Variants in ELMOD3 observed in about 807,000 individuals in gnomAD.
ELMOD3 encodes the protein ELMO domain-containing protein 3.
ELMOD3 carries 36 observed loss-of-function variants against 47.4 expected under a neutral mutation model. That is an observed-to-expected ratio of 0.76 (90% CI 0.58 to 1.00). ELMOD3 has a LOEUF of 1.00. ELMOD3 is among the 50% of genes least tolerant of loss of function. ELMOD3 has a pLI of 0.00. For synonymous variants in ELMOD3, 149 were observed against 183.5 expected, an observed-to-expected ratio of 0.81 and a Z score of 1.52; for missense variants, 404 against 463.8, an observed-to-expected ratio of 0.87 and a Z score of 1.18.
intron 8 of ELMOD3, 135 bp from the exon 9 acceptor site, chr2:85,370,951 C>T (rs1684746148): frequency 2.0e-6 from 2 of 1,014,564 alleles, no homozygotes; most frequent in Non-Finnish European, 1.5e-6. Context: ...CTGCCTCCTT[C>T]CCTTGGCCCA....
intron 6 of ELMOD3, chr2:85,368,437 G>A (rs781213415): frequency 1.2e-5 from 6 of 488,680 alleles, no homozygotes; most frequent in African/African-American, 3.9e-5. Context: ...GGGAGTGGGG[G>A]ATCACCAGGT....
intron 8 of ELMOD3, among the ~76,000 whole-genome samples, chr2:85,370,520 G>A (rs976894164): frequency 3.9e-5 from 6 of 152,130 alleles, no homozygotes; most frequent in Non-Finnish European, 5.9e-5. Context: ...CTTGCTCAGG[G>A]GAGAGAGGCT....
chr2:85,388,149 T>C (rs934883373), intron 11 of ELMOD3, among the ~76,000 whole-genome samples: 1 of 151,922 alleles, frequency 6.6e-6, no homozygotes, highest in Admixed American at 6.6e-5. Context: ...GTTTGTTTTT[T>C]TGAAAAAAAA....
chr2:85,386,980 C>T (rs1399207932), intron 11 of ELMOD3: 12 of 1,186,820 alleles, frequency 1.0e-5, no homozygotes, highest in Non-Finnish European at 1.3e-5. Context: ...CCAGCCTGAG[C>T]AACAAGAGCG....
At chr2:85,371,248 T>C in intron 9 of ELMOD3, 39 bp downstream of exon 9, 1 of 1,614,168 alleles carries the variant, frequency 6.2e-7, no homozygotes, top group Non-Finnish European at 8.5e-7. Context: ...TTGCTGCATC[T>C]GTGGTTGGGC....
intron 6 of ELMOD3, among the ~76,000 whole-genome samples, chr2:85,363,821 T>C (rs2104521598): frequency 6.6e-6 from 1 of 152,330 alleles, no homozygotes; most frequent in East Asian, 1.9e-4. Flanking sequence ...TTATTCACTA[T>C]TATGAGAACA....
intron 4 of ELMOD3, among the ~76,000 whole-genome samples, chr2:85,361,252 A>G (rs1683935374): frequency 6.6e-6 from 1 of 152,236 alleles, no homozygotes; most frequent in Non-Finnish European, 1.5e-5. Flanking sequence ...GGCTGAGCAG[A>G]AAGGCCATAG....
In ELMOD3 at chr2:85,368,703, G is replaced by A; in HGVS notation, c.217G>A (p.Val73Ile). The change falls in exon 7 of 14, where the codon GTC becomes ATC. Residue 73 changes from valine to isoleucine, a missense_variant. By Grantham distance (29) the Val-to-Ile change is conservative (BLOSUM62 3). Coordinates refer to ENST00000409013, the MANE Select transcript of ELMOD3 (RefSeq NM_001135022.2). ...WEPRVVSTEV[V>I]RAQEEWEAVD... ...TATTGCAGTTGTGAGTACAGAGGTG[G>A]TCAGAGCCCAAGAAGAATGGGAAGC... 6.2e-7 allele frequency: 1 copy of A among 1,614,074 alleles called. No homozygotes were observed. Among genetic ancestry groups the A allele is most frequent in the Non-Finnish European group, 8.5e-7 (1 of 1,180,016 alleles).
intron 11 of ELMOD3, among the ~76,000 whole-genome samples, chr2:85,384,516 T>C (rs1486489010): frequency 6.6e-6 from 1 of 152,164 alleles, no homozygotes; most frequent in African/African-American, 2.4e-5. Context: ...AGCTCCTCTG[T>C]CTCTGTCTGG....
chr2:85,364,323 C>T (rs776447781), intron 6 of ELMOD3, among the ~76,000 whole-genome samples: 2 of 151,778 alleles, frequency 1.3e-5, no homozygotes, highest in African/African-American at 2.4e-5. Context: ...CAGTGGCTCA[C>T]GCCTGTAACC....
chr2:85,383,602 G>A (rs754831225), intron 11 of ELMOD3, among the ~76,000 whole-genome samples: 5 of 152,132 alleles, frequency 3.3e-5, no homozygotes, highest in Non-Finnish European at 7.4e-5. Context: ...GGGATTATAG[G>A]TGTGAGCCAC....
At chr2:85,371,977 T>A (rs751922696) in intron 10 of ELMOD3, 16 of 186,378 alleles carry the variant, frequency 8.6e-5, no homozygotes, top group East Asian at 3.1e-4. Flanking sequence ...GAGACCAGGC[T>A]GGCCAACATG....
intron 11 of ELMOD3, among the ~76,000 whole-genome samples, chr2:85,388,588 G>A (rs1686095013): frequency 1.3e-5 from 2 of 152,158 alleles, no homozygotes; most frequent in Admixed American, 1.3e-4. Context: ...GGAAGACCCT[G>A]AGAAAAATCT....
rs193211704 is a variant in ELMOD3 at position 85,386,109 on chromosome 2, T to C, written c.739-3642T>C. Among the ~76,000 whole-genome samples, 476 of 152,212 alleles carry C rather than the reference T, an allele frequency of 3.1e-3. 1 individual carries two copies. The highest frequency in any genetic ancestry group is 0.011 in the African/African-American group (442 of 41,528). Reference sequence around the variant, plus strand: ...AACCACTCAGTTGGAATCTTCAGGGTTGGGGCCAGGTCAGCAGCAGCCGCA... The same window carrying C: ...AACCACTCAGTTGGAATCTTCAGGGCTGGGGCCAGGTCAGCAGCAGCCGCA... On this transcript the variant is annotated intron_variant, in intron 11 of 13. Transcript: ENST00000409013.
chr2:85,364,324 G>A (rs1245645838), intron 6 of ELMOD3, among the ~76,000 whole-genome samples: 2 of 151,636 alleles, frequency 1.3e-5, no homozygotes, highest in African/African-American at 2.4e-5. Context: ...AGTGGCTCAC[G>A]CCTGTAACCC....
chr2:85,371,400 G>C lies in ELMOD3; in HGVS notation c.485-40G>C, dbSNP rs1262370003. 3.7e-6 allele frequency: 6 copies of C among 1,612,732 alleles called. No homozygotes were observed. The South Asian group carries it at 5.5e-5, about 15-fold the overall frequency. On this transcript the variant is annotated intron_variant, in intron 9 of 13. Transcript: ENST00000409013. ...TGAGAAGCACCCGGTTCTCCCATGA[G>C]GGGCAATCTGGCAGAGAGTGTGGGT...
rs1332368071 is a variant in ELMOD3, at chr2:85,390,234, G to C, written c.912G>C (p.Lys304Asn). The C allele has an allele frequency of 2.5e-6, 4 of 1,614,112 alleles. No homozygotes were observed. The South Asian group carries it at 4.4e-5, about 18-fold the overall frequency. Reference sequence around the variant, plus strand: ...CACATGTCTGGAGGACACAGCGGAAGACCATCTCAGACTCGGGCTTTGTCC... The same window carrying C: ...CACATGTCTGGAGGACACAGCGGAACACCATCTCAGACTCGGGCTTTGTCC... ...HLAHVWRTQR[K>N]TISDSGFVLK... Residue 304 changes from lysine to asparagine, a missense_variant, in exon 13 of 14, where the codon AAG (lysine) becomes AAC (asparagine). Transcript: ENST00000409013.
Position 85,390,212 on chromosome 2 carries a change from A to G in ELMOD3, c.890A>G (p.His297Arg), listed in dbSNP as rs1686240710. The change falls in exon 13 of 14, where the codon CAT becomes CGT. Residue 297 changes from histidine to arginine, a missense_variant. Physicochemically the swap from His to Arg is conservative, Grantham distance 29. Coordinates refer to ENST00000409013, the MANE Select transcript of ELMOD3 (RefSeq NM_001135022.2). Reference protein sequence around the residue: ...FYAATFLHLAHVWRTQRKTIS... With the variant: ...FYAATFLHLARVWRTQRKTIS... ...GCCGCCACATTCCTCCACCTCGCAC[A>G]TGTCTGGAGGACACAGCGGAAGACC... The G allele has an allele frequency of 6.2e-7, 1 of 1,614,030 alleles. No individual in the cohort carries two copies. The highest frequency in any genetic ancestry group is 8.5e-7 in the Non-Finnish European group (1 of 1,179,918).
chr2:85,361,232 G>C (rs1438218150), intron 4 of ELMOD3, among the ~76,000 whole-genome samples: 1 of 152,190 alleles, frequency 6.6e-6, no homozygotes, highest in African/African-American at 2.4e-5. Context: ...CTGTAGCAGG[G>C]GATAGGTTTG....
Sources: gnomAD v4.1 joint callset for allele counts (sites outside exome capture counted in the v4.1 genomes callset) on GRCh38, gnomAD v4.1.1 for gene constraint, MANE v1.5 for transcripts, NCBI Gene and HGNC (gene_info 2026-07-23, HGNC 2026-07-21) for gene names.